Variants in ABCB7 observed in about 807,000 individuals in gnomAD.
ABCB7 encodes the protein iron-sulfur clusters transporter ABCB7, mitochondrial.
In ABCB7, 7 loss-of-function variants were observed where a neutral mutation model predicts 54.4. That is an observed-to-expected ratio of 0.13 (90% CI 0.07 to 0.24). ABCB7 has a LOEUF of 0.24. Ranked by LOEUF, ABCB7 falls within the 10% of genes least tolerant of loss-of-function variation. The probability of loss-of-function intolerance (pLI) is 1.00; values close to 1 mark genes in which losing one functional copy is unlikely to be tolerated. For synonymous variants in ABCB7, 218 were observed against 207.1 expected, an observed-to-expected ratio of 1.05 and a Z score of -0.45; for missense variants, 356 against 570.4, an observed-to-expected ratio of 0.62 and a Z score of 3.83.
chrX:75,098,921 A>G (rs1227113317), intron 4 of ABCB7, 21 bp downstream of exon 4: 1 of 1,209,427 alleles, frequency 8.3e-7, no homozygotes, highest in Non-Finnish European at 1.1e-6. Flanking sequence ...TAGAGCAACC[A>G]AACAATGCAT....
intron 3 of ABCB7, 108 bp from the exon 4 acceptor site, chrX:75,099,169 A>T (rs1019454029): frequency 1.1e-6 from 1 of 896,721 alleles, no homozygotes; most frequent in African/African-American, 2.0e-5. Flanking sequence ...AAACATTACA[A>T]ATATAACTTT....
At position 75,099,560 on chromosome X, in the gene ABCB7, A is replaced by G. The variant is rs2081621501; in HGVS notation, c.334-499T>C. On this transcript the variant is annotated intron_variant, in intron 3 of 15. Transcript: ENST00000373394. ...GGGCTTGGTATTGACTATATCAAAC[A>G]AAGTTGAGTTACTGAAAATTTCCTC... Among the ~76,000 whole-genome samples the G allele has an allele frequency of 4.5e-5, 5 of 111,484 alleles. No individual in the cohort carries two copies. The South Asian group carries it at 1.9e-3, about 42-fold the overall frequency.
At chrX:75,082,328 C>T (rs1055979682) in intron 4 of ABCB7, among the ~76,000 whole-genome samples, 38 of 111,613 alleles carry the variant, frequency 3.4e-4, no homozygotes, top group Non-Finnish European at 4.5e-4. Context: ...AACCTAGTAC[C>T]GTACACTGGG....
intron 1 of ABCB7, among the ~76,000 whole-genome samples, chrX:75,125,031 T>C (rs1446787441): frequency 8.9e-6 from 1 of 111,997 alleles, no homozygotes; most frequent in African/African-American, 3.2e-5. Context: ...ACAATTTCAT[T>C]ATGTTTTTCT....
chrX:75,122,184 G>A (rs2081884311), intron 1 of ABCB7, among the ~76,000 whole-genome samples: 2 of 111,482 alleles, frequency 1.8e-5, no homozygotes, highest in Non-Finnish European at 3.8e-5. Context: ...AGGTCATAAA[G>A]ACATAGATGA....
chrX:75,061,474 T>C (rs1386335731), intron 14 of ABCB7, among the ~76,000 whole-genome samples: 2 of 111,755 alleles, frequency 1.8e-5, no homozygotes, highest in African/African-American at 6.5e-5. Flanking sequence ...TTTAAATATA[T>C]GCTAACCAAT....
intron 1 of ABCB7, among the ~76,000 whole-genome samples, chrX:75,119,255 A>G (rs1447695669): frequency 8.9e-6 from 1 of 112,194 alleles, no homozygotes; most frequent in African/African-American, 3.2e-5. Flanking sequence ...GGAAATAAGG[A>G]TTTTTCTGCC....
At chrX:75,070,568 T>C in intron 9 of ABCB7, 46 bp from the exon 10 acceptor site, 3 of 1,147,528 alleles carry the variant, frequency 2.6e-6, no homozygotes, top group Non-Finnish European at 3.6e-6. Flanking sequence ...AAATGTTACA[T>C]ACTTTTCCAA....
rs1260379786 is a variant in ABCB7, at chrX:75,073,924, T to G, written c.888A>C (p.Val296=). The change falls in exon 7 of 16, where the codon GTA becomes GTC. Residue 296 remains valine, a synonymous_variant. Transcript: ENST00000373394. ...YYKCGAQFAL[V]TLGTLGTYTA... is the part of the protein sequence containing the mutation. Reference sequence around the variant, plus strand: ...TGTATGTACCAAGTGTTCCAAGGGTTACCAAAGCAAACTGGGCACCGCATT... The same window carrying G: ...TGTATGTACCAAGTGTTCCAAGGGTGACCAAAGCAAACTGGGCACCGCATT... 8.3e-7 allele frequency: 1 copy of G among 1,210,330 alleles called. No homozygotes were observed. Among genetic ancestry groups the G allele is most frequent in the Admixed American group, 2.2e-5 (1 of 45,998 alleles).
At chrX:75,124,374 G>C (rs1261183483) in intron 1 of ABCB7, among the ~76,000 whole-genome samples, 1 of 111,927 alleles carries the variant, frequency 8.9e-6, no homozygotes, top group Admixed American at 9.5e-5. Context: ...GTTTTTTTAT[G>C]TTTGTTTAAG....
intron 4 of ABCB7, among the ~76,000 whole-genome samples, chrX:75,096,446 C>A (rs752569247): frequency 9.0e-6 from 1 of 111,630 alleles, no homozygotes; most frequent in African/African-American, 3.3e-5. Context: ...TGTACAGTCA[C>A]TCCTTCTCAG....
intron 3 of ABCB7, among the ~76,000 whole-genome samples, chrX:75,100,427 T>C (rs1308584559): frequency 9.0e-6 from 1 of 111,145 alleles, no homozygotes; most frequent in Non-Finnish European, 1.9e-5. Context: ...TTTCAGTGCT[T>C]AGGCCACACT....
chrX:75,056,536 G>A lies in ABCB7; in HGVS notation c.2044-2951C>T, dbSNP rs112355909. 4.5e-5 allele frequency among the ~76,000 whole-genome samples: 5 copies of A among 111,477 alleles called. No homozygotes were observed. The South Asian group carries it at 1.1e-3, about 25-fold the overall frequency. On this transcript the variant is annotated intron_variant, in intron 15 of 15. Coordinates refer to ENST00000373394, the MANE Select transcript of ABCB7 (RefSeq NM_001271696.3). ...TTCATTAGTTCCCCTGACCCAGATC[G>A]GGAATCAACTACTTCTCCAAAAAGT...
At chrX:75,062,669 A>C in intron 13 of ABCB7, 1 of 369,690 alleles carries the variant, frequency 2.7e-6, no homozygotes, top group Non-Finnish European at 4.8e-6. Flanking sequence ...GGGAAGAATG[A>C]GAATGAGGCA....
intron 1 of ABCB7, among the ~76,000 whole-genome samples, chrX:75,148,181 T>C (rs751397368): frequency 1.8e-5 from 2 of 111,427 alleles, no homozygotes; most frequent in Non-Finnish European, 3.8e-5. Context: ...AATGCATTAC[T>C]ACTAGCAGAC....
intron 1 of ABCB7, among the ~76,000 whole-genome samples, chrX:75,151,439 T>C (rs2082131514): frequency 9.0e-6 from 1 of 111,699 alleles, no homozygotes; most frequent in Non-Finnish European, 1.9e-5. Flanking sequence ...TCCACACTAC[T>C]TCCATCCTCC....
Position 75,139,223 on chromosome X carries a change from A to G in ABCB7, c.168+16882T>C, listed in dbSNP as rs191240227. Among the ~76,000 whole-genome samples, 355 of 111,199 alleles carry G rather than the reference A, an allele frequency of 3.2e-3. 2 individuals carry two copies. Among genetic ancestry groups the G allele is most frequent in the South Asian group, 0.018 (46 of 2,606 alleles). ...TATCTAATAGCTCCCTAATAACTCC[A>G]AACACCCTTGGAATGGTATTTAAGT... On this transcript the variant is annotated intron_variant, in intron 1 of 15. Transcript: ENST00000373394.
intron 4 of ABCB7, among the ~76,000 whole-genome samples, chrX:75,081,040 C>A (rs1165174126): frequency 9.0e-6 from 1 of 111,615 alleles, no homozygotes; most frequent in Non-Finnish European, 1.9e-5. Context: ...CTCATCTCCA[C>A]CCACAGTAAT....
intron 15 of ABCB7, 94 bp from the exon 16 acceptor site, chrX:75,053,679 G>A: frequency 9.0e-7 from 1 of 1,116,847 alleles, no homozygotes; most frequent in Non-Finnish European, 1.2e-6. Flanking sequence ...GGAGTTTGAA[G>A]GATTTGCATT....
Sources: gnomAD v4.1 joint callset for allele counts (sites outside exome capture counted in the v4.1 genomes callset) on GRCh38, gnomAD v4.1.1 for gene constraint, MANE v1.5 for transcripts, NCBI Gene and HGNC (gene_info 2026-07-23, HGNC 2026-07-21) for gene names.